GALNT13: variants seen among roughly 807,000 people sequenced by gnomAD.
GALNT13 encodes the protein UDP-GalNAc:polypeptide N-acetylgalactosaminyltransferase 13.
A neutral mutation model predicts 64.2 loss-of-function variants in GALNT13; 28 were observed. The observed-to-expected ratio is 0.44, with a 90% CI of 0.32 to 0.60. GALNT13 has a LOEUF of 0.60. GALNT13 is among the 20% of genes least tolerant of loss of function. The probability of loss-of-function intolerance (pLI) is 0.05; values close to 1 mark genes in which losing one functional copy is unlikely to be tolerated. For missense variants in GALNT13, 577 were observed against 669.8 expected, an observed-to-expected ratio of 0.86 and a Z score of 1.53; for synonymous variants, 214 against 224.6, an observed-to-expected ratio of 0.95 and a Z score of 0.42.
intron 11 of GALNT13, among the ~76,000 whole-genome samples, chr2:154,411,299 T>G (rs1353106983): frequency 7.2e-6 from 1 of 138,576 alleles, no homozygotes; most frequent in Non-Finnish European, 1.6e-5. Context: ...TTTTTCCATC[T>G]ACATACTTAA....
chr2:153,654,889 G>C, the GALNT13 span, among the ~76,000 whole-genome samples: 1 of 151,954 alleles, frequency 6.6e-6, no homozygotes, highest in Non-Finnish European at 1.5e-5. Context: ...TATCTATGTG[G>C]CACCTGAATC....
At chr2:153,230,829 A>C in the GALNT13 span, among the ~76,000 whole-genome samples, 2 of 152,188 alleles carry the variant, frequency 1.3e-5, no homozygotes, top group African/African-American at 4.8e-5. Context: ...TCAGGAATTA[A>C]ATTTGGAGAC....
the GALNT13 span, among the ~76,000 whole-genome samples, chr2:153,308,546 A>C: frequency 1.3e-5 from 2 of 152,200 alleles, no homozygotes; most frequent in Non-Finnish European, 2.9e-5. Flanking sequence ...GTGATTAATA[A>C]TGTAAGTCAT....
chr2:153,082,692 GTTTA>G, the GALNT13 span, among the ~76,000 whole-genome samples: 6 of 115,838 alleles, frequency 5.2e-5, no homozygotes, highest in Non-Finnish European at 5.2e-5. Context: ...AATAAATAAA[GTTTA>G]TTTAATAAAT....
the GALNT13 span, among the ~76,000 whole-genome samples, chr2:153,490,247 T>G: frequency 6.6e-6 from 1 of 152,240 alleles, no homozygotes; most frequent in East Asian, 1.9e-4. Flanking sequence ...ACTGGAAAAT[T>G]TTTTAAAAAC....
At chr2:153,877,737 T>A (rs1403295053) in intron 1 of GALNT13, among the ~76,000 whole-genome samples, 1 of 151,920 alleles carries the variant, frequency 6.6e-6, no homozygotes. Flanking sequence ...GAAAGAAAAA[T>A]GGAATAAAAT....
intron 7 of GALNT13, among the ~76,000 whole-genome samples, chr2:154,254,092 C>T (rs1023522288): frequency 1.3e-5 from 2 of 152,070 alleles, no homozygotes; most frequent in East Asian, 3.9e-4. Flanking sequence ...GAGTGTATAA[C>T]ATTTGTATTA....
intron 3 of GALNT13, among the ~76,000 whole-genome samples, chr2:153,955,202 C>T (rs1244033267): frequency 1.3e-5 from 2 of 152,076 alleles, no homozygotes; most frequent in Admixed American, 6.6e-5. Flanking sequence ...AGTGAAACAC[C>T]AGTTTTTCCC....
the GALNT13 span, among the ~76,000 whole-genome samples, chr2:153,578,389 A>G: frequency 2.0e-5 from 3 of 152,366 alleles, no homozygotes; most frequent in East Asian, 5.8e-4. Flanking sequence ...TATTGGCCTA[A>G]GACAGTTTTT....
the GALNT13 span, among the ~76,000 whole-genome samples, chr2:153,136,913 G>A: frequency 6.6e-6 from 1 of 150,448 alleles, no homozygotes; most frequent in Non-Finnish European, 1.5e-5. Context: ...TGAGCAGTGG[G>A]CTCCCCAAAC....
chr2:154,087,671 A>G (rs944272008), intron 3 of GALNT13, among the ~76,000 whole-genome samples: 3 of 152,116 alleles, frequency 2.0e-5, no homozygotes, highest in Non-Finnish European at 4.4e-5. Flanking sequence ...ATAGTATAAA[A>G]TCAATAACTT....
intron 3 of GALNT13, among the ~76,000 whole-genome samples, chr2:154,075,241 C>T (rs1458351697): frequency 6.6e-6 from 1 of 151,634 alleles, no homozygotes; most frequent in African/African-American, 2.4e-5. Flanking sequence ...TATTAGAAAC[C>T]TTGACATGTA....
the GALNT13 span, among the ~76,000 whole-genome samples, chr2:153,504,210 T>A: frequency 1.3e-5 from 2 of 152,236 alleles, no homozygotes; most frequent in Admixed American, 1.3e-4. Flanking sequence ...ATAGCAGAGC[T>A]ACTGATTTCT....
chr2:153,524,388 A>G, the GALNT13 span, among the ~76,000 whole-genome samples: 1 of 150,470 alleles, frequency 6.6e-6, no homozygotes, highest in African/African-American at 2.4e-5. Flanking sequence ...TTCCCCCTGC[A>G]AGGACACCAA....
At chr2:153,076,644 G>A in the GALNT13 span, among the ~76,000 whole-genome samples, 3 of 151,264 alleles carry the variant, frequency 2.0e-5, no homozygotes, top group East Asian at 6.0e-4. Flanking sequence ...TTTATACTTT[G>A]TCTTATAACT....
At chr2:153,131,482 T>C in the GALNT13 span, among the ~76,000 whole-genome samples, 1 of 151,426 alleles carries the variant, frequency 6.6e-6, no homozygotes, top group Admixed American at 6.6e-5. Flanking sequence ...GACCTGACTG[T>C]AAGAGAGTAA....
At chr2:154,144,176 C>T (rs1189999802) in intron 4 of GALNT13, among the ~76,000 whole-genome samples, 1 of 151,944 alleles carries the variant, frequency 6.6e-6, no homozygotes, top group Non-Finnish European at 1.5e-5. Flanking sequence ...TAATACCATC[C>T]AAAATTCCTA....
At chr2:153,373,227 G>A in the GALNT13 span, among the ~76,000 whole-genome samples, 1 of 151,742 alleles carries the variant, frequency 6.6e-6, no homozygotes, top group East Asian at 1.9e-4. Context: ...GGAGATAAAA[G>A]TAATTGGAAC....
At chr2:153,093,588 G>T in the GALNT13 span, among the ~76,000 whole-genome samples, 1 of 152,074 alleles carries the variant, frequency 6.6e-6, no homozygotes, top group African/African-American at 2.4e-5. Context: ...CTAGTATTTT[G>T]TTGAGGATTT....
Sources: allele counts gnomAD v4.1 joint callset (sites outside exome capture counted in the v4.1 genomes callset), GRCh38; gene constraint gnomAD v4.1.1; transcripts MANE v1.5; gene names NCBI Gene and HGNC (gene_info 2026-07-23, HGNC 2026-07-21).